The following SEC14L6 variants were observed in gnomAD, a reference collection of about 807,000 sequenced individuals.
SEC14L6 encodes SEC14 like lipid binding 6, also known as SEC14-like protein 6.
In SEC14L6, 40 loss-of-function variants were observed where a neutral mutation model predicts 54.1. That is an observed-to-expected ratio of 0.74 (90% CI 0.57 to 0.96). The LOEUF (loss-of-function observed/expected upper bound fraction) is 0.96. SEC14L6 is among the 40% of genes least tolerant of loss of function. The pLI, the probability that SEC14L6 is intolerant of heterozygous loss-of-function variation, is 0.00. For synonymous variants in SEC14L6, 171 were observed against 198.4 expected (o/e 0.86, Z 1.16); for missense variants, 471 against 498.3 (o/e 0.95, Z 0.52).
At chr22:30,536,390 C>A (rs1177425029) in intron 2 of SEC14L6, among the ~76,000 whole-genome samples, 2 of 152,096 alleles carry the variant, frequency 1.3e-5, no homozygotes, top group Admixed American at 6.5e-5. Context: ...CCCCTACGAA[C>A]CCCCCAGGGA....
chr22:30,536,016 G>T (rs141855127), intron 2 of SEC14L6, among the ~76,000 whole-genome samples: 84 of 151,690 alleles, frequency 5.5e-4, no homozygotes, highest in Non-Finnish European at 9.9e-4. Context: ...GTGCCACCAG[G>T]TCTGGCTAAG....
At chr22:30,544,088 G>A in intron 1 of SEC14L6, 3 of 1,478,420 alleles carry the variant, frequency 2.0e-6, no homozygotes, top group African/African-American at 2.8e-5. Flanking sequence ...AAGTGAATGG[G>A]ACCGTGGTTT....
chr22:30,537,462 C>T (rs2085619173), intron 2 of SEC14L6, among the ~76,000 whole-genome samples: 2 of 151,996 alleles, frequency 1.3e-5, no homozygotes, highest in Admixed American at 1.3e-4. Context: ...AAAAAATATA[C>T]ACAAAAATTA....
Position 30,538,840 on chromosome 22 carries a change from C to A in SEC14L6, c.117G>T (p.Leu39=). Residue 39 remains leucine (L), a synonymous_variant, in exon 2 of 12, where the codon CTG becomes CTT. Coordinates refer to ENST00000402034, the MANE Select transcript of SEC14L6 (RefSeq NM_001193336.4). ...ALPNPDDYFL[L]RWLQARSFDL... The stretch of plus-strand genomic sequence containing the variant: ...CTCTATCCTTACCTTGGAGCCAGCG[C>A]AGGAGGAAGTAGTCATCAGGATTGG... The A allele has an allele frequency of 6.4e-7, 1 of 1,557,674 alleles. No homozygotes were observed. The highest frequency in any genetic ancestry group is 1.7e-4 in the Middle Eastern group (1 of 5,996).
intron 7 of SEC14L6, 46 bp from the exon 8 acceptor site, chr22:30,529,216 C>A (rs1192347746): frequency 6.5e-7 from 1 of 1,546,356 alleles, no homozygotes; most frequent in Non-Finnish European, 8.7e-7. Flanking sequence ...TGGCTGGGGT[C>A]TCAGGTGCCC....
intron 10 of SEC14L6, 41 bp downstream of exon 10, chr22:30,525,570 C>T: frequency 1.2e-6 from 2 of 1,610,040 alleles, no homozygotes; most frequent in Non-Finnish European, 1.7e-6. Context: ...CTCCAGGCCC[C>T]TCCCAGATGT....
chr22:30,533,918 A>ATGG, intron 3 of SEC14L6, 78 bp downstream of exon 3: 2 of 1,286,404 alleles, frequency 1.6e-6, no homozygotes, highest in Non-Finnish European at 2.2e-6. Context: ...TGGATGGATG[A>ATGG]ATGAATGAAT....
At chr22:30,535,948 C>T (rs954534758) in intron 2 of SEC14L6, among the ~76,000 whole-genome samples, 1 of 138,872 alleles carries the variant, frequency 7.2e-6, no homozygotes, top group African/African-American at 2.7e-5. Flanking sequence ...AGGCTAGTCT[C>T]AAACTCCTGG....
chr22:30,528,119 CTTTTTTTTTTTTT>C (rs1201756831), intron 8 of SEC14L6, among the ~76,000 whole-genome samples: 1 of 117,682 alleles, frequency 8.5e-6, no homozygotes, highest in African/African-American at 3.2e-5. Context: ...ACCTAGATTT[CTTTTTTTTTTTTT>C]TTTTTTTTGA....
chr22:30,533,926 A>C (rs1937064298), intron 3 of SEC14L6, 70 bp downstream of exon 3: 1 of 1,355,936 alleles, frequency 7.4e-7, no homozygotes, highest in African/African-American at 1.4e-5. Context: ...TGAATGAATG[A>C]ATAAATTTGT....
intron 2 of SEC14L6, among the ~76,000 whole-genome samples, chr22:30,538,430 CTCACTGGGA>C (rs2085638770): frequency 6.6e-6 from 1 of 152,188 alleles, no homozygotes; most frequent in Non-Finnish European, 1.5e-5. Context: ...TTCCTCCCTG[CTCACTGGGA>C]TCACTTATGG....
intron 1 of SEC14L6, chr22:30,543,557 C>A (rs2085760915): frequency 6.2e-7 from 1 of 1,613,508 alleles, no homozygotes; most frequent in Admixed American, 1.7e-5. Context: ...GTGAAGCTCA[C>A]CTGCCAGGTG....
intron 6 of SEC14L6, among the ~76,000 whole-genome samples, chr22:30,530,706 A>G (rs1936940656): frequency 1.3e-5 from 2 of 152,252 alleles, no homozygotes; most frequent in Admixed American, 6.5e-5. Context: ...CTGGTGGCCA[A>G]TAACATTTTT....
At chr22:30,546,383 CAAAAAAAAAAAAAA>C (rs915640201) in intron 1 of SEC14L6, among the ~76,000 whole-genome samples, 12 of 49,864 alleles carry the variant, frequency 2.4e-4, no homozygotes, top group African/African-American at 8.2e-4. Context: ...AACTCCGTCT[CAAAAAAAAAAAAAA>C]AAAAAAAAAG....
At chr22:30,530,038 C>A (rs1936917892) in intron 6 of SEC14L6, among the ~76,000 whole-genome samples, 1 of 152,066 alleles carries the variant, frequency 6.6e-6, no homozygotes, top group South Asian at 2.1e-4. Flanking sequence ...TATTTGATTC[C>A]TACAAATGAG....
At chr22:30,536,358 C>T (rs569367252) in intron 2 of SEC14L6, among the ~76,000 whole-genome samples, 18 of 152,184 alleles carry the variant, frequency 1.2e-4, no homozygotes, top group Admixed American at 7.2e-4. Flanking sequence ...CAGCTGAAAC[C>T]GACTCCAGCC....
rs947221137 is a variant in SEC14L6 at position 30,532,694 on chromosome 22, G to T, written c.254C>A (p.Ala85Asp). Reference protein sequence around the residue: ...QPPEVVRLYNANGICGHDGEG... With the variant: ...QPPEVVRLYNDNGICGHDGEG... Reference sequence around the variant, plus strand: ...ACCGTCGTGGCCGCATATGCCGTTAGCGTTGTACAGCCTGACCACCTGGAT... The same window carrying T: ...ACCGTCGTGGCCGCATATGCCGTTATCGTTGTACAGCCTGACCACCTGGAT... Residue 85 changes from alanine (A) to aspartate (D), a missense_variant, in exon 5 of 12, where the codon GCT becomes GAT. Physicochemically the swap from Ala to Asp is moderately radical, Grantham distance 126. Transcript: ENST00000402034. The T allele has an allele frequency of 5.8e-6, 9 of 1,559,918 alleles. No individual in the cohort carries two copies. The African/African-American group carries it at 1.1e-4, about 19-fold the overall frequency.
At chr22:30,529,221 G>T in intron 7 of SEC14L6, 51 bp from the exon 8 acceptor site, 2 of 1,547,016 alleles carry the variant, frequency 1.3e-6, no homozygotes, top group African/African-American at 1.4e-5. Flanking sequence ...GGGGTCTCAG[G>T]TGCCCACCCG....
chr22:30,531,512 G>T (rs1313643790), intron 6 of SEC14L6, among the ~76,000 whole-genome samples: 2 of 152,090 alleles, frequency 1.3e-5, no homozygotes, highest in African/African-American at 2.4e-5. Context: ...ATCACCTGAG[G>T]TTGGGAGTTC....
Sources: gnomAD v4.1 joint callset for allele counts (sites outside exome capture counted in the v4.1 genomes callset) on GRCh38, gnomAD v4.1.1 for gene constraint, MANE v1.5 for transcripts, NCBI Gene and HGNC (gene_info 2026-07-23, HGNC 2026-07-21) for gene names.